Variants in ZNF888 observed in about 807,000 individuals in gnomAD.
ZNF888 encodes CTD-2331H12.6.
ZNF888 carries 5 observed loss-of-function variants against 7.2 expected under a neutral mutation model. That is an observed-to-expected ratio of 0.70 (90% CI 0.36 to 1.46). The LOEUF (loss-of-function observed/expected upper bound fraction) is 1.46. Among genes scored for constraint, ZNF888 ranks in the 40% most tolerant of loss-of-function variants. The pLI is 0.03. For synonymous variants in ZNF888, 240 were observed against 284.3 expected (o/e 0.84, Z 1.57); for missense variants, 716 against 858.0 (o/e 0.83, Z 2.07).
At position 52,907,403 on chromosome 19, in the gene ZNF888, A is replaced by C; in HGVS notation, c.919T>G (p.Phe307Val). Residue 307 changes from phenylalanine to valine, a missense_variant, in exon 5 of 5, where the codon TTC becomes GTC. Phe to Val is a conservative substitution (Grantham distance 50). This residue lies in a region of ZNF888 where 697 missense variants were observed against 803.4 expected (regional missense o/e 0.87). Transcript: ENST00000638862. ...PYKCNECGKT[F>V]SDKSALLVHK... ...ACTAAGAGGGCTGACTTGTCACTGA[A>C]CGTCTTGCCACACTCATTACACTTG... 3 of 1,612,712 alleles carry C rather than the reference A, an allele frequency of 1.9e-6. No homozygotes were observed. The highest frequency in any genetic ancestry group is 2.5e-6 in the Non-Finnish European group (3 of 1,179,168).
intron 4 of ZNF888, chr19:52,914,400 C>G: frequency 1.0e-6 from 1 of 971,874 alleles, no homozygotes; most frequent in Non-Finnish European, 1.2e-6. Flanking sequence ...GATAACAGGT[C>G]AGAGACTCCT....
intron 4 of ZNF888, among the ~76,000 whole-genome samples, chr19:52,911,342 C>CTT (rs200448605): frequency 7.0e-6 from 1 of 143,310 alleles, no homozygotes. Flanking sequence ...GTTTTCTTTT[C>CTT]TTTTTTTTTT....
chr19:52,913,820 G>A lies in ZNF888; in HGVS notation c.142+1376C>T, dbSNP rs975317704. On this transcript the variant is annotated intron_variant, in intron 4 of 4. Coordinates refer to ENST00000638862, the MANE Select transcript of ZNF888 (RefSeq NM_001393938.1). ...CTTATATGTTTACTAAGAACTAAAA[G>A]ACAAAACTATTTAAAATAATAACGG... is the stretch of plus-strand genomic sequence containing the variant. 12 of 838,832 alleles carry A rather than the reference G, an allele frequency of 1.4e-5. No individual in the cohort carries two copies. The South Asian group carries it at 3.8e-4, about 27-fold the overall frequency. 52.0% of individuals were successfully genotyped at this position (838,832 alleles called of 1,614,324 possible).
At chr19:52,908,267 C>T (rs778215171) in intron 4 of ZNF888, 88 bp from the exon 5 acceptor site, 13 of 1,302,808 alleles carry the variant, frequency 1.0e-5, no homozygotes, top group East Asian at 4.7e-5. Flanking sequence ...AAAAACAATA[C>T]TTATTTTAAA....
At chr19:52,923,093 G>A (rs553094995) in intron 1 of ZNF888, among the ~76,000 whole-genome samples, 2 of 152,294 alleles carry the variant, frequency 1.3e-5, no homozygotes, top group South Asian at 4.1e-4. Context: ...AAAAGCGCGG[G>A]GTGGGAGGAG....
intron 4 of ZNF888, among the ~76,000 whole-genome samples, chr19:52,910,135 G>C (rs1214224218): frequency 7.5e-6 from 1 of 133,092 alleles, no homozygotes; most frequent in Non-Finnish European, 1.6e-5. Flanking sequence ...GGGGACTAGA[G>C]CGAGACTTCG....
rs2064604826 is a variant in ZNF888 at position 52,906,175 on chromosome 19, T to G, written c.2147A>C (p.Lys716Thr). 6.2e-7 allele frequency: 1 copy of G among 1,612,134 alleles called. No homozygotes were observed. Among genetic ancestry groups the G allele is most frequent in the African/African-American group, 1.3e-5 (1 of 74,918 alleles). ...IHHQAIHGVGKLD is the reference protein window; with the variant it reads ...IHHQAIHGVGTLD ...GTGACAATCATTACATTAGTCAAGT[T>G]TCCCTACACCATGGATTGCCTGATG... Residue 716 changes from lysine to threonine, a missense_variant, in exon 5 of 5, where the codon AAA becomes ACA. By Grantham distance (78) the Lys-to-Thr change is moderately conservative (BLOSUM62 -1). This residue lies in a region of ZNF888 where 697 missense variants were observed against 803.4 expected (regional missense o/e 0.87). Coordinates refer to ENST00000638862, the MANE Select transcript of ZNF888 (RefSeq NM_001393938.1).
At position 52,905,338 on chromosome 19, in the gene ZNF888, TTTGA is replaced by T; in HGVS notation, c.*823_*826del. On this transcript the variant is annotated 3_prime_UTR_variant, in exon 5 of 5. Transcript: ENST00000638862. ...CTCTGCCAGCCAGAGAACAACCCCC[TTTGA>T]TTGTAACTTTCCACTACCTACCCAA... is the stretch of plus-strand genomic sequence containing the variant. 7.0e-6 allele frequency: 1 copy of T among 143,538 alleles called. No individual in the cohort carries two copies. Among genetic ancestry groups the T allele is most frequent in the Non-Finnish European group, 1.5e-5 (1 of 66,752 alleles). The allele number at this position is 143,538 out of a possible 1,614,324, so 8.9% of individuals were successfully genotyped here. A position where few individuals can be genotyped will look rare whatever the true frequency, so the allele number is the denominator to read the frequency against.
intron 4 of ZNF888, chr19:52,914,418 A>T (rs1309010064): frequency 2.2e-6 from 2 of 914,020 alleles, no homozygotes; most frequent in Non-Finnish European, 2.6e-6. Flanking sequence ...CCTACTTATA[A>T]AAAGAAAGGA....
rs529547366 is a variant in ZNF888 at position 52,906,422 on chromosome 19, A to G, written c.1900T>C (p.Tyr634His). Residue 634 changes from tyrosine (Y) to histidine (H), a missense_variant, in exon 5 of 5, where the codon TAC (tyrosine) becomes CAC (histidine). Around this residue, in one of 2 missense-constraint regions of ZNF888, gnomAD observed 697 missense variants for 803.4 expected, o/e 0.87. Coordinates refer to ENST00000638862, the MANE Select transcript of ZNF888 (RefSeq NM_001393938.1). ...GCCTTGTCGCAAACCCTACATTTGT[A>G]TGGTTTCTCTCCAGTATGAACTCTC... is the stretch of plus-strand genomic sequence containing the variant. The part of the protein sequence containing the change: ...HRRVHTGEKP[Y>H]KCRVCDKAFG... 5.2e-5 allele frequency: 84 copies of G among 1,613,182 alleles called. No individual in the cohort carries two copies. In the African/African-American group the frequency reaches 1.0e-3, roughly 20 times the overall value.
chr19:52,908,344 C>T (rs749662035), intron 4 of ZNF888, among the ~76,000 whole-genome samples, 165 bp from the exon 5 acceptor site: 9 of 152,060 alleles, frequency 5.9e-5, no homozygotes, highest in African/African-American at 1.7e-4. Context: ...AAATGAAGGG[C>T]GATTACATGT....
At chr19:52,916,617 T>TATACATATACATATAC (rs199730498) in intron 3 of ZNF888, among the ~76,000 whole-genome samples, 1 of 16,084 alleles carries the variant, frequency 6.2e-5, no homozygotes, top group African/African-American at 1.2e-4. Flanking sequence ...TACATATACA[T>TATACATATACATATAC]ATATATATAT....
intron 1 of ZNF888, chr19:52,921,632 G>A (rs2064823416): frequency 1.5e-5 from 15 of 982,682 alleles, no homozygotes; most frequent in Non-Finnish European, 1.7e-5. Context: ...GAAAATTACA[G>A]TAACATTTAC....
intron 1 of ZNF888, among the ~76,000 whole-genome samples, chr19:52,922,912 G>C (rs960379238): frequency 1.9e-5 from 2 of 104,860 alleles, no homozygotes; most frequent in African/African-American, 4.3e-5. Context: ...TGAGGAGGGA[G>C]GTGGGGGGGA....
At position 52,907,548 on chromosome 19, in the gene ZNF888, T is replaced by G. The variant is rs1244463088; in HGVS notation, c.774A>C (p.Ala258=). Reference sequence around the variant, plus strand: ...CACCAGTGTGACATCTACGATGGTGTGCAAGGTATCGCTTCTGATTAAAGT... The same window carrying G: ...CACCAGTGTGACATCTACGATGGTGGGCAAGGTATCGCTTCTGATTAAAGT... ...GKDFNQKRYL[A]HHRRCHTGEK... The change falls in exon 5 of 5, where the codon GCA becomes GCC. Residue 258 remains alanine (A), a synonymous_variant. Transcript: ENST00000638862. 8.1e-6 allele frequency: 13 copies of G among 1,609,676 alleles called. No individual in the cohort carries two copies. Among genetic ancestry groups the G allele is most frequent in the African/African-American group, 5.4e-5 (4 of 74,712 alleles).
intron 4 of ZNF888, among the ~76,000 whole-genome samples, chr19:52,909,707 G>A (rs1437185528): frequency 6.6e-6 from 1 of 151,972 alleles, no homozygotes; most frequent in Non-Finnish European, 1.5e-5. Context: ...AAGAAAATAA[G>A]TAGATTTATA....
At position 52,907,971 on chromosome 19, in the gene ZNF888, C is replaced by G; in HGVS notation, c.351G>C (p.Glu117Asp). The change falls in exon 5 of 5, where the codon GAG becomes GAC. Residue 117 changes from glutamate to aspartate, a missense_variant. Around this residue, in one of 2 missense-constraint regions of ZNF888, gnomAD observed 697 missense variants for 803.4 expected, o/e 0.87. Coordinates refer to ENST00000638862, the MANE Select transcript of ZNF888 (RefSeq NM_001393938.1). The stretch of plus-strand genomic sequence containing the variant: ...CATATTGGTCTGTACTACCCGTCAA[C>G]TCTTTGATTTCTGTCATGGGTGCTT... The part of the protein sequence containing the change: ...GHEAPMTEIK[E>D]LTGSTDQYDQ... 1 of 1,614,118 alleles carries G rather than the reference C, an allele frequency of 6.2e-7. No homozygotes were observed. Among genetic ancestry groups the G allele is most frequent in the Non-Finnish European group, 8.5e-7 (1 of 1,180,006 alleles).
chr19:52,912,733 G>C (rs2064701176), intron 4 of ZNF888, among the ~76,000 whole-genome samples: 1 of 151,472 alleles, frequency 6.6e-6, no homozygotes, highest in Non-Finnish European at 1.5e-5. Context: ...CTGTCTCAAA[G>C]AAAATAAAAA....
At chr19:52,918,167 C>A (rs927258231) in intron 2 of ZNF888, 1 of 985,282 alleles carries the variant, frequency 1.0e-6, no homozygotes, top group Non-Finnish European at 1.2e-6. Flanking sequence ...ATGAGCTCCC[C>A]TTCAAGGCAC....
Sources: allele counts gnomAD v4.1 joint callset (sites outside exome capture counted in the v4.1 genomes callset), GRCh38; gene constraint gnomAD v4.1.1; regional missense constraint gnomAD v4.1.1; transcripts MANE v1.5; gene names NCBI Gene and HGNC (gene_info 2026-07-23, HGNC 2026-07-21).